Variants in PDE4D observed in about 807,000 individuals in gnomAD.
PDE4D encodes 3',5'-cyclic-AMP phosphodiesterase 4D.
Under a neutral mutation model 87.4 loss-of-function variants are expected in PDE4D, and 24 were observed. The ratio of observed to expected loss-of-function variants is 0.27; its 90% confidence interval spans 0.20 to 0.39. The LOEUF (loss-of-function observed/expected upper bound fraction) is 0.39. PDE4D is among the 10% of genes least tolerant of loss of function. PDE4D has a pLI of 1.00. For synonymous variants in PDE4D, 384 were observed against 383.2 expected (o/e 1.00, Z -0.02); for missense variants, 714 against 1,041.0 (o/e 0.69, Z 4.32).
At chr5:59,037,694 A>G (rs1389929365) in intron 6 of PDE4D, among the ~76,000 whole-genome samples, 1 of 152,112 alleles carries the variant, frequency 6.6e-6, no homozygotes, top group Non-Finnish European at 1.5e-5. Context: ...AGCCCCTTTT[A>G]TTTATTTGAA....
chr5:59,475,457 C>T (rs573443791), intron 1 of PDE4D, among the ~76,000 whole-genome samples: 20 of 152,200 alleles, frequency 1.3e-4, no homozygotes, highest in Admixed American at 1.2e-3. Context: ...CTTACTTTCA[C>T]TCTCAAGTCA....
At chr5:60,465,881 TG>T (rs1747314238) in intron 1 of PDE4D, among the ~76,000 whole-genome samples, 1 of 136,016 alleles carries the variant, frequency 7.4e-6, no homozygotes. Context: ...GCAGTGAAAG[TG>T]AAAAAAAAAA....
At chr5:60,357,597 C>G (rs534475465) in intron 1 of PDE4D, among the ~76,000 whole-genome samples, 1 of 152,078 alleles carries the variant, frequency 6.6e-6, no homozygotes, top group Non-Finnish European at 1.5e-5. Flanking sequence ...TGTCTTTCTA[C>G]TTGGAATTTT....
At chr5:59,807,127 T>C (rs571918738) in intron 1 of PDE4D, among the ~76,000 whole-genome samples, 1 of 152,208 alleles carries the variant, frequency 6.6e-6, no homozygotes, top group African/African-American at 2.4e-5. Context: ...CTCCAGGGCA[T>C]TGGGTTCTAA....
At chr5:59,956,096 G>C (rs1758804093) in intron 3 of PDE4D, among the ~76,000 whole-genome samples, 1 of 152,192 alleles carries the variant, frequency 6.6e-6, no homozygotes, top group Non-Finnish European at 1.5e-5. Flanking sequence ...TCAGGTATCA[G>C]TGCAAAAGCA....
chr5:59,266,237 C>T (rs1344868957), intron 1 of PDE4D, among the ~76,000 whole-genome samples: 1 of 150,406 alleles, frequency 6.6e-6, no homozygotes, highest in Non-Finnish European at 1.5e-5. Context: ...CACTGTACCT[C>T]AGCCTGGGAA....
At chr5:60,391,514 G>C (rs1415706748) in intron 1 of PDE4D, among the ~76,000 whole-genome samples, 1 of 152,086 alleles carries the variant, frequency 6.6e-6, no homozygotes, top group African/African-American at 2.4e-5. Context: ...GCCTTTTCCA[G>C]CTCTAGAGAT....
chr5:59,484,014 C>A (rs1217212381), intron 1 of PDE4D, among the ~76,000 whole-genome samples: 1 of 152,204 alleles, frequency 6.6e-6, no homozygotes, highest in Non-Finnish European at 1.5e-5. Context: ...TAGCAGAACA[C>A]AATTTATTGT....
chr5:59,246,739 T>C (rs1261574825), intron 1 of PDE4D, among the ~76,000 whole-genome samples: 1 of 152,152 alleles, frequency 6.6e-6, no homozygotes, highest in Non-Finnish European at 1.5e-5. Flanking sequence ...CATGCCAACA[T>C]ACTACTGAAA....
intron 1 of PDE4D, among the ~76,000 whole-genome samples, chr5:59,515,849 C>T (rs537705592): frequency 4.8e-4 from 73 of 152,104 alleles, no homozygotes; most frequent in Non-Finnish European, 1.0e-3. Flanking sequence ...TGTACTGATG[C>T]GTGTCAAAGG....
At chr5:59,358,397 T>C (rs969569354) in intron 1 of PDE4D, among the ~76,000 whole-genome samples, 1 of 152,170 alleles carries the variant, frequency 6.6e-6, no homozygotes, top group Non-Finnish European at 1.5e-5. Context: ...TGCTTTTGTA[T>C]AGAGATCCAA....
intron 1 of PDE4D, among the ~76,000 whole-genome samples, chr5:60,212,666 C>T (rs77325099): frequency 0.027 from 4,141 of 152,254 alleles, 204 homozygotes; most frequent in African/African-American, 0.094. Context: ...AGGTTTAACC[C>T]GATTGCACCA....
intron 6 of PDE4D, among the ~76,000 whole-genome samples, chr5:59,019,421 A>C (rs780012664): frequency 5.1e-4 from 78 of 152,292 alleles, no homozygotes; most frequent in South Asian, 2.1e-3. Flanking sequence ...AGGGTTCTTC[A>C]TGAATTATAG....
At chr5:59,548,781 T>C (rs1377866330) in intron 1 of PDE4D, among the ~76,000 whole-genome samples, 1 of 152,092 alleles carries the variant, frequency 6.6e-6, no homozygotes, top group East Asian at 1.9e-4. Flanking sequence ...CAACAGAGAA[T>C]AGTAAGTCTC....
intron 5 of PDE4D, among the ~76,000 whole-genome samples, chr5:59,096,537 C>G (rs1769750123): frequency 6.6e-6 from 1 of 152,028 alleles, no homozygotes; most frequent in Non-Finnish European, 1.5e-5. Context: ...GGGGCTATAC[C>G]CTTAATTATG....
At chr5:59,054,997 T>C (rs1267918757) in intron 5 of PDE4D, among the ~76,000 whole-genome samples, 1 of 152,164 alleles carries the variant, frequency 6.6e-6, no homozygotes, top group African/African-American at 2.4e-5. Flanking sequence ...TTGAAGTAAT[T>C]TCTCCATAAT....
chr5:59,189,133 T>C (rs1292842971), intron 3 of PDE4D, among the ~76,000 whole-genome samples: 1 of 152,128 alleles, frequency 6.6e-6, no homozygotes, highest in Non-Finnish European at 1.5e-5. Context: ...ATGGTAATAT[T>C]CTATAGTATT....
rs561203610 is a variant in PDE4D at position 59,609,665 on chromosome 5, C to T, written c.455+283503G>A. ...ACATGTAGCTTGAGTGAGAAATAAGCCTCTACTCTTCTAAGCAACTGAGCT... is the reference window on the plus strand; with the variant it reads ...ACATGTAGCTTGAGTGAGAAATAAGTCTCTACTCTTCTAAGCAACTGAGCT... On this transcript the variant is annotated intron_variant, in intron 1 of 14. Coordinates refer to ENST00000340635, the MANE Select transcript of PDE4D (RefSeq NM_001104631.2). 4.6e-5 allele frequency among the ~76,000 whole-genome samples: 7 copies of T among 152,204 alleles called. No individual in the cohort carries two copies. In the East Asian group the frequency reaches 1.4e-3, roughly 29 times the overall value.
intron 1 of PDE4D, among the ~76,000 whole-genome samples, chr5:59,293,753 G>A (rs886916676): frequency 3.3e-5 from 5 of 152,110 alleles, no homozygotes; most frequent in Non-Finnish European, 7.4e-5. Context: ...TGGGCAGGGT[G>A]CGTGTGCAGG....
Sources: allele counts gnomAD v4.1 joint callset (sites outside exome capture counted in the v4.1 genomes callset), GRCh38; gene constraint gnomAD v4.1.1; transcripts MANE v1.5; gene names NCBI Gene and HGNC (gene_info 2026-07-23, HGNC 2026-07-21).